The following GLCE variants were observed in gnomAD, a reference collection of about 807,000 sequenced individuals.
The protein encoded by GLCE is glucuronic acid epimerase, also known as D-glucuronyl C5-epimerase.
Under a neutral mutation model 47.9 loss-of-function variants are expected in GLCE, and 19 were observed. That is an observed-to-expected ratio of 0.40 (90% CI 0.28 to 0.58). GLCE has a LOEUF of 0.58. Among genes scored for constraint, GLCE ranks in the 20% least tolerant of loss-of-function variants. The pLI is 0.48. For missense variants in GLCE, 556 were observed against 743.3 expected, an observed-to-expected ratio of 0.75 and a Z score of 2.93; for synonymous variants, 245 against 263.4, an observed-to-expected ratio of 0.93 and a Z score of 0.68.
chr15:69,179,987 A>G (rs1361227351), intron 1 of GLCE, among the ~76,000 whole-genome samples: 1 of 152,106 alleles, frequency 6.6e-6, no homozygotes, highest in Non-Finnish European at 1.5e-5. Context: ...ACTCTGTCTC[A>G]AAAACCAATA....
At chr15:69,214,598 G>A (rs1249896192) in intron 2 of GLCE, among the ~76,000 whole-genome samples, 1 of 152,004 alleles carries the variant, frequency 6.6e-6, no homozygotes, top group Admixed American at 6.6e-5. Context: ...GTGTGAAAAC[G>A]GACGAATTAC....
At chr15:69,217,930 C>A (rs1420558871) in intron 2 of GLCE, among the ~76,000 whole-genome samples, 2 of 150,358 alleles carry the variant, frequency 1.3e-5, no homozygotes, top group Non-Finnish European at 3.0e-5. Context: ...CTGAGGCGGG[C>A]AGATCACAAG....
chr15:69,216,682 G>A (rs1595760657), intron 2 of GLCE, among the ~76,000 whole-genome samples: 2 of 152,172 alleles, frequency 1.3e-5, no homozygotes, highest in East Asian at 3.9e-4. Context: ...CTGTATAGCT[G>A]CTGTATAGTT....
At chr15:69,206,775 A>G (rs2052158114) in intron 1 of GLCE, among the ~76,000 whole-genome samples, 3 of 151,770 alleles carry the variant, frequency 2.0e-5, no homozygotes. Context: ...TGTGTTGGAG[A>G]ATTGTGTTTA....
At chr15:69,248,055 A>G (rs755160130) in intron 2 of GLCE, among the ~76,000 whole-genome samples, 1 of 152,168 alleles carries the variant, frequency 6.6e-6, no homozygotes, top group Non-Finnish European at 1.5e-5. Flanking sequence ...ATACAATCTT[A>G]TTTGAAGTAT....
intron 2 of GLCE, among the ~76,000 whole-genome samples, chr15:69,233,081 G>A (rs2052547011): frequency 1.3e-5 from 2 of 152,112 alleles, no homozygotes; most frequent in African/African-American, 4.8e-5. Context: ...GGGCATTTTA[G>A]GATAGTTTCT....
chr15:69,178,564 G>A (rs868327673), intron 1 of GLCE, among the ~76,000 whole-genome samples: 3 of 152,096 alleles, frequency 2.0e-5, no homozygotes, highest in African/African-American at 7.2e-5. Flanking sequence ...CACACAGTAA[G>A]TGCTCTATGG....
chr15:69,186,397 G>A (rs746456739), intron 1 of GLCE, among the ~76,000 whole-genome samples: 7 of 152,162 alleles, frequency 4.6e-5, no homozygotes, highest in Non-Finnish European at 1.0e-4. Flanking sequence ...CAGGAACCAT[G>A]AATGAAAACC....
chr15:69,165,122 G>T, intron 1 of GLCE, among the ~76,000 whole-genome samples: 1 of 152,046 alleles, frequency 6.6e-6, no homozygotes, highest in East Asian at 1.9e-4. Context: ...GAATGGGCAG[G>T]TTTGTGACAC....
Position 69,197,385 on chromosome 15 carries a change from A to T in GLCE, c.-104-12931A>T, listed in dbSNP as rs1469866509. On this transcript the variant is annotated intron_variant, in intron 1 of 4. Transcript: ENST00000261858. ...ATTTTTACACTACAGGAATAAATAA[A>T]CTTATTTCTCATTGGCAAAAATGTG... 6 of 200,454 alleles carry T rather than the reference A, an allele frequency of 3.0e-5. No individual in the cohort carries two copies. The East Asian group carries it at 4.9e-4, about 16-fold the overall frequency. The allele number at this position is 200,454 out of a possible 1,614,324, so 12.4% of individuals were successfully genotyped here.
At chr15:69,177,138 G>T (rs1036580915) in intron 1 of GLCE, among the ~76,000 whole-genome samples, 2 of 151,862 alleles carry the variant, frequency 1.3e-5, no homozygotes, top group Non-Finnish European at 2.9e-5. Flanking sequence ...TTGTGCCTCA[G>T]CCTTCCGAGT....
intron 1 of GLCE, among the ~76,000 whole-genome samples, chr15:69,195,600 C>T (rs2051976067): frequency 6.6e-6 from 1 of 152,050 alleles, no homozygotes; most frequent in Non-Finnish European, 1.5e-5. Context: ...TAAAATCAGT[C>T]GTGTTGCTCC....
intron 2 of GLCE, among the ~76,000 whole-genome samples, chr15:69,236,202 T>C (rs2052592417): frequency 7.1e-6 from 1 of 141,414 alleles, no homozygotes; most frequent in Non-Finnish European, 1.5e-5. Flanking sequence ...GTTTCCAGCT[T>C]GGAATTATCA....
At chr15:69,203,800 A>T (rs912871431) in intron 1 of GLCE, among the ~76,000 whole-genome samples, 1 of 152,098 alleles carries the variant, frequency 6.6e-6, no homozygotes, top group Non-Finnish European at 1.5e-5. Flanking sequence ...TTTAAAAAAA[A>T]CCCTCATATT....
chr15:69,257,479 T>C (rs1360459573), intron 3 of GLCE, among the ~76,000 whole-genome samples: 1 of 152,054 alleles, frequency 6.6e-6, no homozygotes. Flanking sequence ...GCTGGGACTA[T>C]AGGCATGCTC....
intron 4 of GLCE, among the ~76,000 whole-genome samples, chr15:69,266,297 G>A (rs906757160): frequency 2.0e-5 from 3 of 151,904 alleles, no homozygotes; most frequent in Non-Finnish European, 4.4e-5. Flanking sequence ...CACCCTCCAA[G>A]TATACACTAT....
chr15:69,259,278 G>A (rs1456963250), intron 3 of GLCE, among the ~76,000 whole-genome samples: 1 of 152,130 alleles, frequency 6.6e-6, no homozygotes, highest in African/African-American at 2.4e-5. Flanking sequence ...ATATTTGTTA[G>A]AGATGTTTCT....
chr15:69,231,375 C>T (rs57392638), intron 2 of GLCE, among the ~76,000 whole-genome samples: 18,543 of 151,686 alleles, frequency 0.12, 1,204 homozygotes, highest in East Asian at 0.16. Context: ...ACTCCACCTC[C>T]CGGGTTCACG....
chr15:69,261,301 C>T lies in GLCE; in HGVS notation c.801C>T (p.Phe267=). 6.2e-7 allele frequency: 1 copy of T among 1,613,926 alleles called. No individual in the cohort carries two copies. The highest frequency in any genetic ancestry group is 8.5e-7 in the Non-Finnish European group (1 of 1,179,932). The change falls in exon 4 of 5, where the codon TTC becomes TTT. Residue 267 remains phenylalanine, a synonymous_variant. Transcript: ENST00000261858. ...CGAATGTGGCTGATAAGTCTAGATT[C>T]ACCAATGTCAAACAGTTTATTGCAC... ...FMANVADKSR[F]TNVKQFIAPE...
Sources: allele counts gnomAD v4.1 joint callset (sites outside exome capture counted in the v4.1 genomes callset), GRCh38; gene constraint gnomAD v4.1.1; transcripts MANE v1.5; gene names NCBI Gene and HGNC (gene_info 2026-07-23, HGNC 2026-07-21).